Variants in FARSB observed in about 807,000 individuals in gnomAD.
The protein encoded by FARSB is phenylalanine--tRNA ligase beta subunit.
FARSB carries 40 observed loss-of-function variants against 69.6 expected under a neutral mutation model. The observed-to-expected ratio is 0.57, with a 90% confidence interval of 0.45 to 0.75. The LOEUF is 0.75. Among genes scored for constraint, FARSB ranks in the 30% least tolerant of loss-of-function variants. FARSB has a pLI of 0.00. For synonymous variants in FARSB, 235 were observed against 247.2 expected, an observed-to-expected ratio of 0.95 and a Z score of 0.46; for missense variants, 632 against 722.9, an observed-to-expected ratio of 0.87 and a Z score of 1.44.
intron 16 of FARSB, among the ~76,000 whole-genome samples, chr2:222,587,921 T>G (rs1690162102): frequency 6.6e-6 from 1 of 152,052 alleles, no homozygotes; most frequent in Admixed American, 6.6e-5. Context: ...CCAAATTCTA[T>G]CAGAGGTACA....
At chr2:222,611,547 A>C (rs1690852260) in intron 15 of FARSB, among the ~76,000 whole-genome samples, 1 of 152,122 alleles carries the variant, frequency 6.6e-6, no homozygotes, top group African/African-American at 2.4e-5. Context: ...TTCTGGGCTC[A>C]AAAGGTTCTC....
Position 222,624,300 on chromosome 2 carries a change from AGAGTCATCT to A in FARSB, c.1133_1141del (p.Gln378_Thr380del), listed in dbSNP as rs868007867. Reference sequence around the variant, plus strand: ...ATTAGCTATGGTGTAAGTTTTCGGGAGAGTCATCTGAATGTTGTTATATCCATAAGCAAT... The same window carrying A: ...ATTAGCTATGGTGTAAGTTTTCGGGAGAATGTTGTTATATCCATAAGCAAT... On this transcript the variant is annotated inframe_deletion, in exon 12 of 17. Coordinates refer to ENST00000281828, the MANE Select transcript of FARSB (RefSeq NM_005687.5). The A allele has an allele frequency of 1.9e-6, 3 of 1,611,372 alleles. No individual in the cohort carries two copies. The African/African-American group carries it at 4.0e-5, about 22-fold the overall frequency.
At chr2:222,590,076 T>A (rs1425409163) in intron 16 of FARSB, among the ~76,000 whole-genome samples, 7 of 152,166 alleles carry the variant, frequency 4.6e-5, no homozygotes, top group Non-Finnish European at 7.3e-5. Context: ...GTATGTTTAT[T>A]GCGGCACTAT....
chr2:222,634,580 G>A, intron 5 of FARSB, 39 bp from the exon 6 acceptor site: 5 of 1,517,828 alleles, frequency 3.3e-6, no homozygotes, highest in South Asian at 1.3e-5. Context: ...AGGGAGGAAA[G>A]GAAAGGAGGA....
At chr2:222,577,859 A>G (rs930885124) in intron 16 of FARSB, among the ~76,000 whole-genome samples, 1 of 152,260 alleles carries the variant, frequency 6.6e-6, no homozygotes, top group African/African-American at 2.4e-5. Flanking sequence ...ATGATTAAAT[A>G]GAAAATGCTC....
chr2:222,646,928 G>A (rs1691880286), intron 2 of FARSB, among the ~76,000 whole-genome samples: 1 of 152,194 alleles, frequency 6.6e-6, no homozygotes, highest in Admixed American at 6.5e-5. Context: ...CCTTCTTTAT[G>A]GGCCAAACAC....
intron 15 of FARSB, among the ~76,000 whole-genome samples, chr2:222,610,539 A>G (rs1313621655): frequency 6.6e-6 from 1 of 152,190 alleles, no homozygotes; most frequent in Non-Finnish European, 1.5e-5. Flanking sequence ...AAAAAGCATA[A>G]CAGAACCAAT....
intron 2 of FARSB, among the ~76,000 whole-genome samples, chr2:222,646,272 G>A (rs879084731): frequency 2.0e-5 from 3 of 152,088 alleles, no homozygotes; most frequent in African/African-American, 4.8e-5. Context: ...TCTACTTCCC[G>A]GTACTGCCTG....
intron 8 of FARSB, 98 bp from the exon 9 acceptor site, chr2:222,630,272 C>CTAATGGACCTTTACG (rs1691385590): frequency 1.6e-6 from 1 of 622,084 alleles, no homozygotes; most frequent in Non-Finnish European, 2.7e-6. Context: ...GTCCTCACAT[C>CTAATGGACCTTTACG]TAATGGACCT....
chr2:222,611,448 C>CGG (rs200111875), intron 15 of FARSB, among the ~76,000 whole-genome samples: 5 of 28,366 alleles, frequency 1.8e-4, no homozygotes, highest in Admixed American at 4.4e-4. Context: ...TTTGGGGGGG[C>CGG]GGGGGGGCGC....
chr2:222,624,687 G>T, intron 11 of FARSB, 27 bp downstream of exon 11: 2 of 1,506,456 alleles, frequency 1.3e-6, no homozygotes, highest in Non-Finnish European at 1.8e-6. Context: ...CTTTGTTCTT[G>T]AATTAAGTGA....
At position 222,634,445 on chromosome 2, in the gene FARSB, C is replaced by T. The variant is rs769568733; in HGVS notation, c.552G>A (p.Lys184=). Reference sequence around the variant, plus strand: ...TATACTCCTTGGTCTTATTTAGAGGCTTGAATTTGATATCTGAAGGACGCT... The same window carrying T: ...TATACTCCTTGGTCTTATTTAGAGGTTTGAATTTGATATCTGAAGGACGCT... The part of the protein sequence containing the change: ...TAKRPSDIKF[K]PLNKTKEYTA... Residue 184 remains lysine (K), a synonymous_variant, in exon 6 of 17, where the codon AAG becomes AAA. Coordinates refer to ENST00000281828, the MANE Select transcript of FARSB (RefSeq NM_005687.5). The T allele has an allele frequency of 6.2e-7, 1 of 1,611,738 alleles. No homozygotes were observed. The highest frequency in any genetic ancestry group is 8.5e-7 in the Non-Finnish European group (1 of 1,178,294).
chr2:222,609,792 G>A (rs373734137), intron 15 of FARSB, among the ~76,000 whole-genome samples: 1 of 152,162 alleles, frequency 6.6e-6, no homozygotes, highest in South Asian at 2.1e-4. Flanking sequence ...GTCCAACGAG[G>A]TCAAGCATGA....
At chr2:222,624,598 A>C (rs1691220421) in intron 11 of FARSB, 116 bp downstream of exon 11, 2 of 931,954 alleles carry the variant, frequency 2.1e-6, no homozygotes, top group Admixed American at 4.6e-5. Flanking sequence ...TCTATCAGAA[A>C]CCAGATATCT....
intron 2 of FARSB, among the ~76,000 whole-genome samples, chr2:222,647,032 T>C (rs11695525): frequency 0.3 from 45,623 of 152,160 alleles, 7,585 homozygotes; most frequent in Non-Finnish European, 0.38. Flanking sequence ...TTATGCTTCT[T>C]ACACACATGC....
intron 10 of FARSB, among the ~76,000 whole-genome samples, chr2:222,625,699 T>G (rs993238923): frequency 6.6e-6 from 1 of 152,262 alleles, no homozygotes; most frequent in Non-Finnish European, 1.5e-5. Context: ...ATAGTTACTA[T>G]GACCTAAACA....
At chr2:222,585,112 C>T (rs36031804) in intron 16 of FARSB, among the ~76,000 whole-genome samples, 40,812 of 152,092 alleles carry the variant, frequency 0.27, 5,810 homozygotes, top group Middle Eastern at 0.44. Flanking sequence ...ACTGACACCT[C>T]ATACAGCCGG....
intron 2 of FARSB, among the ~76,000 whole-genome samples, chr2:222,648,532 AGATG>A (rs1471422082): frequency 6.6e-6 from 1 of 152,234 alleles, no homozygotes; most frequent in Non-Finnish European, 1.5e-5. Context: ...AGGTGATTGT[AGATG>A]GAATAAGGCA....
intron 16 of FARSB, among the ~76,000 whole-genome samples, chr2:222,581,509 A>G (rs1689968892): frequency 1.3e-5 from 2 of 152,238 alleles, no homozygotes; most frequent in African/African-American, 2.4e-5. Flanking sequence ...TTTAAAAATC[A>G]GAGCAAGCAT....
Sources: gnomAD v4.1 joint callset for allele counts (sites outside exome capture counted in the v4.1 genomes callset) on GRCh38, gnomAD v4.1.1 for gene constraint, MANE v1.5 for transcripts, NCBI Gene and HGNC (gene_info 2026-07-23, HGNC 2026-07-21) for gene names.